MAT1A: variants seen among roughly 807,000 people sequenced by gnomAD.
The protein encoded by MAT1A is methionine adenosyltransferase 1A, also known as S-adenosylmethionine synthase isoform type-1.
MAT1A carries 19 observed loss-of-function variants against 44.0 expected under a neutral mutation model. That is an observed-to-expected ratio of 0.43 (90% confidence interval 0.30 to 0.63). The LOEUF is 0.63. MAT1A is among the 30% of genes least tolerant of loss of function. MAT1A has a pLI of 0.12. For synonymous variants in MAT1A, 205 were observed against 205.6 expected (o/e 1.00, Z 0.03); for missense variants, 397 against 531.0 (o/e 0.75, Z 2.48).
At chr10:80,277,341 C>A (rs1841503746) in intron 5 of MAT1A, among the ~76,000 whole-genome samples, 1 of 152,172 alleles carries the variant, frequency 6.6e-6, no homozygotes, top group African/African-American at 2.4e-5. Context: ...ACTGTGCCTG[C>A]AGCAAACTCT....
chr10:80,289,204 C>G (rs369715858), intron 1 of MAT1A, 129 bp downstream of exon 1: 28 of 796,756 alleles, frequency 3.5e-5, no homozygotes, highest in East Asian at 2.5e-4. Flanking sequence ...ACTCATGGAT[C>G]AAAACAACAC....
At chr10:80,284,082 A>G in intron 2 of MAT1A, 44 bp from the exon 3 acceptor site, 4 of 1,606,564 alleles carry the variant, frequency 2.5e-6, no homozygotes, top group Non-Finnish European at 2.5e-6. Context: ...GCCAAGTGCC[A>G]GCAAAGGGAA....
In MAT1A at chr10:80,285,710, CACTTT is replaced by C. The variant is rs1201547341; in HGVS notation, c.92-126_92-122del. On this transcript the variant is annotated intron_variant, in intron 1 of 8. Coordinates refer to ENST00000372213, the MANE Select transcript of MAT1A (RefSeq NM_000429.3). ...ATCAACTTATCTACCAGAGGGAAAA[CACTTT>C]TTTTAAGTATAAGAAATTAGAAATA... The C allele has an allele frequency of 4.0e-5, 29 of 719,072 alleles. No individual in the cohort carries two copies. The Admixed American group carries it at 6.3e-4, about 16-fold the overall frequency. 44.5% of individuals were successfully genotyped at this position (719,072 alleles called of 1,614,324 possible).
rs1300677572 is a variant in MAT1A at position 80,273,279 on chromosome 10, G to A, written c.*502C>T. 4.4e-6 allele frequency: 1 copy of A among 226,408 alleles called. No individual in the cohort carries two copies. The highest frequency in any genetic ancestry group is 8.8e-6 in the Non-Finnish European group (1 of 113,630). 14.0% of individuals were successfully genotyped at this position (226,408 alleles called of 1,614,324 possible). A position where few individuals can be genotyped will look rare whatever the true frequency, so the allele number is the denominator to read the frequency against. ...CATTACAGGTGCTTAGGAGACATCA[G>A]TCCTGCTCTAACCCCTGCCACATGC... On this transcript the variant is annotated 3_prime_UTR_variant, in exon 9 of 9. Coordinates refer to ENST00000372213, the MANE Select transcript of MAT1A (RefSeq NM_000429.3).
At chr10:80,276,243 G>T in intron 6 of MAT1A, 133 bp downstream of exon 6, 1 of 894,910 alleles carries the variant, frequency 1.1e-6, no homozygotes, top group Non-Finnish European at 1.8e-6. Context: ...AAAATTCACC[G>T]ACTTTACATT....
At position 80,289,016 on chromosome 10, in the gene MAT1A, G is replaced by A. The variant is rs780980319; in HGVS notation, c.91+317C>T. On this transcript the variant is annotated intron_variant, in intron 1 of 8. Coordinates refer to ENST00000372213, the MANE Select transcript of MAT1A (RefSeq NM_000429.3). ...TGCTCTGAAGAGCTCTGGTAAAAGT[G>A]ACTCCTACAGGTACGAAGTTACAGT... Among the ~76,000 whole-genome samples, 4 of 152,294 alleles carry A rather than the reference G, an allele frequency of 2.6e-5. No individual in the cohort carries two copies. The East Asian group carries it at 7.7e-4, about 29-fold the overall frequency.
At chr10:80,274,734 G>T in intron 7 of MAT1A, 81 bp from the exon 8 acceptor site, 1 of 1,562,436 alleles carries the variant, frequency 6.4e-7, no homozygotes, top group South Asian at 1.1e-5. Context: ...TTCTTCTGAA[G>T]GGACCAGCGG....
chr10:80,288,222 G>C (rs183717302), intron 1 of MAT1A, among the ~76,000 whole-genome samples: 60 of 152,356 alleles, frequency 3.9e-4, no homozygotes, highest in African/African-American at 1.2e-3. Context: ...GAATTTTGAA[G>C]AGGGACTTAA....
rs1256349156 is a variant in MAT1A, at chr10:80,280,182, A to G, written c.540T>C (p.Ser180=). The G allele has an allele frequency of 6.2e-7, 1 of 1,613,936 alleles. No individual in the cohort carries two copies. The highest frequency in any genetic ancestry group is 2.2e-5 in the East Asian group (1 of 44,878). The change falls in exon 5 of 9, where the codon TCT becomes TCC. Residue 180 remains serine, a synonymous_variant. Coordinates refer to ENST00000372213, the MANE Select transcript of MAT1A (RefSeq NM_000429.3). ...TAATTCAGCTGCTCACCTGAGTCTT[A>G]GAGTCAGGCCGCAGCCAGGGGAGGA... is the stretch of plus-strand genomic sequence containing the variant. The part of the protein sequence containing the change: ...SGLLPWLRPD[S]KTQVTVQYMQ...
intron 6 of MAT1A, among the ~76,000 whole-genome samples, chr10:80,275,866 C>A (rs1841477996): frequency 6.6e-6 from 1 of 152,198 alleles, no homozygotes; most frequent in Non-Finnish European, 1.5e-5. Flanking sequence ...GGGCAGCAGC[C>A]TCACAGCAGT....
At chr10:80,284,429 C>T (rs1051761607) in intron 2 of MAT1A, among the ~76,000 whole-genome samples, 3 of 152,200 alleles carry the variant, frequency 2.0e-5, no homozygotes, top group African/African-American at 7.2e-5. Context: ...TGCTAAACCT[C>T]CACTGCAGGC....
In MAT1A at chr10:80,283,690, A is replaced by G. The variant is rs1192107509; in HGVS notation, c.292+226T>C. On this transcript the variant is annotated intron_variant, in intron 3 of 8. Transcript: ENST00000372213. ...GAAGGCAAGGCCTAAAACAAGCCCA[A>G]TCAACAACAGATGGGCATGTGCTGG... Among the ~76,000 whole-genome samples the G allele has an allele frequency of 3.9e-5, 6 of 152,264 alleles. No individual in the cohort carries two copies. The East Asian group carries it at 1.2e-3, about 29-fold the overall frequency.
At position 80,289,432 on chromosome 10, in the gene MAT1A, A is replaced by G; in HGVS notation, c.-9T>C. The G allele has an allele frequency of 6.2e-7, 1 of 1,604,806 alleles. No homozygotes were observed. The highest frequency in any genetic ancestry group is 8.5e-7 in the Non-Finnish European group (1 of 1,171,810). ...TCCACCGGTCCATTCATCTTCTCAC[A>G]CTTCTCCACTCACGCTTCTTTCAGT... On this transcript the variant is annotated 5_prime_UTR_variant, in exon 1 of 9. Coordinates refer to ENST00000372213, the MANE Select transcript of MAT1A (RefSeq NM_000429.3).
intron 8 of MAT1A, 152 bp downstream of exon 8, chr10:80,274,368 C>G: frequency 8.8e-7 from 1 of 1,132,518 alleles, no homozygotes; most frequent in Admixed American, 1.8e-5. Flanking sequence ...GCTTTCTGCA[C>G]TGGGGATGCA....
rs1326646515 is a variant in MAT1A, at chr10:80,280,227, T to C, written c.495A>G (p.Ala165=). 1.9e-6 allele frequency: 3 copies of C among 1,613,976 alleles called. No homozygotes were observed. The highest frequency in any genetic ancestry group is 2.5e-6 in the Non-Finnish European group (3 of 1,180,020). The stretch of plus-strand genomic sequence containing the variant: ...GGAGGAGGCCGGAGCGCCTGAGGTC[T>C]GCCATCCGGGCGTTGAGCTTGTGAG... ...ILAHKLNARM[A]DLRRSGLLPW... The change falls in exon 5 of 9, where the codon GCA becomes GCG. Residue 165 remains alanine, a synonymous_variant. Transcript: ENST00000372213.
chr10:80,275,232 G>C, intron 6 of MAT1A, 33 bp from the exon 7 acceptor site: 1 of 1,590,566 alleles, frequency 6.3e-7, no homozygotes, highest in South Asian at 1.1e-5. Flanking sequence ...ATAAGAAGCA[G>C]AGCCAGCCCC....
At chr10:80,281,461 G>A (rs757898738) in intron 3 of MAT1A, among the ~76,000 whole-genome samples, 11 of 152,132 alleles carry the variant, frequency 7.2e-5, no homozygotes, top group Non-Finnish European at 1.5e-4. Flanking sequence ...GGGGAAGTCT[G>A]GACTAGCAGT....
At chr10:80,284,137 G>A in intron 2 of MAT1A, 99 bp from the exon 3 acceptor site, 1 of 1,486,146 alleles carries the variant, frequency 6.7e-7, no homozygotes, top group Admixed American at 1.9e-5. Context: ...AAAAGACACA[G>A]GAGGGGCCTT....
Position 80,275,042 on chromosome 10 carries a change from C to A in MAT1A, c.926G>T (p.Gly309Val). 1 of 1,558,940 alleles carries A rather than the reference C, an allele frequency of 6.4e-7. No homozygotes were observed. Among genetic ancestry groups the A allele is most frequent in the Non-Finnish European group, 8.7e-7 (1 of 1,152,126 alleles). ...CTGGACAAGCACTCTCCGGCAGAGC[C>A]CTGCTTTCACCAGAGACTTGGCCAC... ...RWVAKSLVKAGLCRRVLVQVS... is the reference protein window; with the variant it reads ...RWVAKSLVKAVLCRRVLVQVS... The change falls in exon 7 of 9, where the codon GGG becomes GTG. Residue 309 changes from glycine (G) to valine (V), a missense_variant. Gly to Val is a moderately radical substitution (Grantham distance 109, BLOSUM62 -3). Transcript: ENST00000372213.
Sources: gnomAD v4.1 joint callset for allele counts (sites outside exome capture counted in the v4.1 genomes callset) on GRCh38, gnomAD v4.1.1 for gene constraint, MANE v1.5 for transcripts, NCBI Gene and HGNC (gene_info 2026-07-23, HGNC 2026-07-21) for gene names.